Variants in TMC5 observed in about 807,000 individuals in gnomAD.
The protein encoded by TMC5 is transmembrane channel-like protein 5.
Under a neutral mutation model 110.5 loss-of-function variants are expected in TMC5, and 86 were observed. The observed-to-expected ratio is 0.78, with a 90% CI of 0.65 to 0.93. The LOEUF is 0.93. TMC5 is among the 40% of genes least tolerant of loss of function. The probability of loss-of-function intolerance (pLI) is 0.00; values close to 1 mark genes in which losing one functional copy is unlikely to be tolerated. For synonymous variants in TMC5, 455 were observed against 439.5 expected (o/e 1.04, Z -0.44); for missense variants, 1,144 against 1,222.8 (o/e 0.94, Z 0.96).
rs982354097 is a variant in TMC5, at chr16:19,479,483, T to C, written c.2222T>C (p.Phe741Ser). The part of the protein sequence containing the change: ...QDIYRLLLMD[F>S]VFSLVNSFLG... ...ATCTACCGGCTCCTTCTGATGGATT[T>C]TGTGTTCTCTTTAGTCAATTCCTTC... Residue 741 changes from phenylalanine to serine, a missense_variant, in exon 14 of 22, where the codon TTT (phenylalanine) becomes TCT (serine). Physicochemically the swap from Phe to Ser is radical, Grantham distance 155. Transcript: ENST00000542583. 1.2e-6 allele frequency: 2 copies of C among 1,614,104 alleles called. No homozygotes were observed. The highest frequency in any genetic ancestry group is 2.7e-5 in the African/African-American group (2 of 75,032).
chr16:19,418,927 CTA>C (rs1178910743), intron 1 of TMC5, among the ~76,000 whole-genome samples: 1 of 152,112 alleles, frequency 6.6e-6, no homozygotes, highest in East Asian at 1.9e-4. Context: ...CAAGGTCTGA[CTA>C]TATTGCCTAG....
chr16:19,418,248 G>A lies in TMC5; in HGVS notation c.-308+156G>A, dbSNP rs561279010. ...TGAGGCACAACAGATGTTTGTTAGA[G>A]GAAAGAATGACCAGGGGAAATGGGA... On this transcript the variant is annotated intron_variant, in intron 1 of 21. Coordinates refer to ENST00000542583, the MANE Select transcript of TMC5 (RefSeq NM_001261841.2). Among the ~76,000 whole-genome samples the A allele has an allele frequency of 4.5e-4, 69 of 152,292 alleles. 1 individual carries two copies. The South Asian group carries it at 0.014, about 30-fold the overall frequency.
chr16:19,468,106 C>A (rs1384521173), intron 9 of TMC5, among the ~76,000 whole-genome samples: 1 of 152,076 alleles, frequency 6.6e-6, no homozygotes, highest in Non-Finnish European at 1.5e-5. Flanking sequence ...TCCTGAGTAG[C>A]TGGGATTACA....
chr16:19,449,493 T>G, intron 4 of TMC5, 49 bp from the exon 5 acceptor site: 1 of 1,461,022 alleles, frequency 6.8e-7, no homozygotes, highest in Non-Finnish European at 9.6e-7. Context: ...GCCAGGAATG[T>G]CTAGTGTGGT....
chr16:19,431,477 G>A (rs1228487928), intron 2 of TMC5, among the ~76,000 whole-genome samples: 5 of 151,836 alleles, frequency 3.3e-5, no homozygotes, highest in Non-Finnish European at 5.9e-5. Flanking sequence ...AGGAGGCGGA[G>A]GTTGCTGTGA....
At chr16:19,486,719 G>T (rs1366667800) in intron 15 of TMC5, among the ~76,000 whole-genome samples, 1 of 152,018 alleles carries the variant, frequency 6.6e-6, no homozygotes, top group African/African-American at 2.4e-5. Context: ...TACTGGATTA[G>T]GGCCTCCTAC....
At chr16:19,436,391 CT>C (rs1967351301) in intron 2 of TMC5, among the ~76,000 whole-genome samples, 1 of 150,854 alleles carries the variant, frequency 6.6e-6, no homozygotes, top group South Asian at 2.1e-4. Context: ...TTTTCAATTT[CT>C]TGAATTTACT....
At chr16:19,439,061 G>A (rs1327390153) in intron 2 of TMC5, among the ~76,000 whole-genome samples, 1 of 152,260 alleles carries the variant, frequency 6.6e-6, no homozygotes, top group Admixed American at 6.5e-5. Flanking sequence ...TTGGTTGCCT[G>A]TGATTGGCCA....
In TMC5 at chr16:19,494,252, T is replaced by C. The variant is rs758971061; in HGVS notation, c.2827-10T>C. On this transcript the variant is annotated splice_polypyrimidine_tract_variant and intron_variant, in intron 19 of 21. Transcript: ENST00000542583. Reference sequence around the variant, plus strand: ...TTGTTTCTTTCTGGTTTTGTTTTCCTTCTTGGTAGGAGGGCAAAGATAAAA... The same window carrying C: ...TTGTTTCTTTCTGGTTTTGTTTTCCCTCTTGGTAGGAGGGCAAAGATAAAA... The C allele has an allele frequency of 1.1e-5, 17 of 1,604,696 alleles. No homozygotes were observed. In the Admixed American group the frequency reaches 2.6e-4, roughly 24 times the overall value.
chr16:19,473,375 A>C (rs1414454581), intron 11 of TMC5, among the ~76,000 whole-genome samples: 10 of 143,586 alleles, frequency 7.0e-5, no homozygotes, highest in Non-Finnish European at 1.1e-4. Context: ...AAAAAAAAAA[A>C]AAAAAACCAG....
chr16:19,490,717 TCC>T, intron 18 of TMC5, 149 bp downstream of exon 18: 1 of 103,462 alleles, frequency 9.7e-6, no homozygotes, highest in Non-Finnish European at 2.7e-5. Context: ...TTTCTTTCCT[TCC>T]TTCCTTCCTT....
At chr16:19,439,905 C>G (rs1967440404) in intron 2 of TMC5, 55 bp from the exon 3 acceptor site, 1 of 726,038 alleles carries the variant, frequency 1.4e-6, no homozygotes, top group African/African-American at 1.8e-5. Context: ...CCAGCAATCT[C>G]TGCAGGGAAG....
intron 2 of TMC5, among the ~76,000 whole-genome samples, chr16:19,437,642 CA>C (rs1418587195): frequency 6.6e-6 from 1 of 152,184 alleles, no homozygotes; most frequent in East Asian, 1.9e-4. Flanking sequence ...TTCCTTATTT[CA>C]AAAATATTGC....
chr16:19,426,039 C>G (rs74815740), intron 1 of TMC5, among the ~76,000 whole-genome samples: 3,653 of 152,276 alleles, frequency 0.024, 64 homozygotes, highest in Non-Finnish European at 0.039. Flanking sequence ...TAATGCCTGT[C>G]CAGATCTTAG....
In TMC5 at chr16:19,477,519, G is replaced by A; in HGVS notation, c.2169+1G>A. On this transcript the variant is annotated splice_donor_variant, in intron 13 of 21. Transcript: ENST00000542583. LOFTEE classifies it high-confidence loss of function. ...CACCGTGGCCCTGTCTGGTGAAGAG[G>A]TGAGATTCTATGCTTCTCTGCCTTA... 1 of 1,600,674 alleles carries A rather than the reference G, an allele frequency of 6.2e-7. No individual in the cohort carries two copies. The highest frequency in any genetic ancestry group is 1.7e-5 in the Admixed American group (1 of 58,034).
At chr16:19,425,327 CTT>C (rs35472194) in intron 1 of TMC5, among the ~76,000 whole-genome samples, 4,126 of 124,510 alleles carry the variant, frequency 0.033, 173 homozygotes, top group African/African-American at 0.11. Flanking sequence ...GTTGAGTTTG[CTT>C]TTTTTTTTTT....
chr16:19,490,730 C>CCTTCCTT (rs1968867576), intron 18 of TMC5, among the ~76,000 whole-genome samples, 162 bp downstream of exon 18: 1 of 59,028 alleles, frequency 1.7e-5, no homozygotes, highest in Admixed American at 1.5e-4. Flanking sequence ...TTCCTTCCTT[C>CCTTCCTT]CTTCCTTCCT....
At chr16:19,450,489 T>G (rs573017883) in intron 5 of TMC5, among the ~76,000 whole-genome samples, 5 of 152,330 alleles carry the variant, frequency 3.3e-5, no homozygotes, top group African/African-American at 1.2e-4. Flanking sequence ...TAAAACTTGC[T>G]TTTCAGTTCT....
rs74923063 is a variant in TMC5 at position 19,484,141 on chromosome 16, G to A, written c.2363+2676G>A. On this transcript the variant is annotated intron_variant, in intron 15 of 21. Coordinates refer to ENST00000542583, the MANE Select transcript of TMC5 (RefSeq NM_001261841.2). ...ATCATGTTGAGGATTAAATGCCATG[G>A]TAAATGAAAACGCTTTGCAAACACC... 5.4e-3 allele frequency among the ~76,000 whole-genome samples: 817 copies of A among 152,078 alleles called. 8 individuals are homozygous for A. Among genetic ancestry groups the A allele is most frequent in the African/African-American group, 0.018 (756 of 41,494 alleles).
Sources: gnomAD v4.1 joint callset for allele counts (sites outside exome capture counted in the v4.1 genomes callset) on GRCh38, gnomAD v4.1.1 for gene constraint, MANE v1.5 for transcripts, NCBI Gene and HGNC (gene_info 2026-07-23, HGNC 2026-07-21) for gene names.